Variants in MAPK4 observed in about 807,000 individuals in gnomAD.
The protein encoded by MAPK4 is Erk3-related.
A neutral mutation model predicts 47.7 loss-of-function variants in MAPK4; 22 were observed. The ratio of observed to expected loss-of-function variants is 0.46; its 90% CI spans 0.33 to 0.66. MAPK4 has a LOEUF of 0.66. Among genes scored for constraint, MAPK4 ranks in the 30% least tolerant of loss-of-function variants. MAPK4 has a pLI of 0.02. For synonymous variants in MAPK4, 390 were observed against 365.7 expected (o/e 1.07, Z -0.76); for missense variants, 736 against 831.7 (o/e 0.88, Z 1.42).
chr18:50,613,928 A>G (rs1161699828), intron 1 of MAPK4, among the ~76,000 whole-genome samples: 1 of 152,210 alleles, frequency 6.6e-6, no homozygotes, highest in Non-Finnish European at 1.5e-5. Flanking sequence ...ACAAGAAGAC[A>G]AATGAATGAA....
At chr18:50,670,695 T>C (rs1224986426) in intron 2 of MAPK4, among the ~76,000 whole-genome samples, 3 of 147,818 alleles carry the variant, frequency 2.0e-5, no homozygotes, top group Non-Finnish European at 4.4e-5. Flanking sequence ...AGGTGGAGGT[T>C]GCATTGAGCC....
chr18:50,619,887 C>T (rs1164824037), intron 1 of MAPK4, among the ~76,000 whole-genome samples: 2 of 152,256 alleles, frequency 1.3e-5, no homozygotes, highest in Non-Finnish European at 2.9e-5. Flanking sequence ...AGAGGAGGCA[C>T]AGCCTCATGT....
At chr18:50,715,490 C>T (rs745636493) in intron 3 of MAPK4, among the ~76,000 whole-genome samples, 43 of 152,312 alleles carry the variant, frequency 2.8e-4, no homozygotes, top group Non-Finnish European at 3.4e-4. Context: ...GTTCCCCTAA[C>T]ATTCAAAGGT....
chr18:50,589,732 C>G (rs1328782897), intron 1 of MAPK4, among the ~76,000 whole-genome samples: 1 of 152,170 alleles, frequency 6.6e-6, no homozygotes, highest in Non-Finnish European at 1.5e-5. Context: ...AGAAATGGTT[C>G]TCTTTCAGTT....
chr18:50,615,827 C>G (rs924136342), intron 1 of MAPK4, among the ~76,000 whole-genome samples: 1 of 152,180 alleles, frequency 6.6e-6, no homozygotes, highest in African/African-American at 2.4e-5. Context: ...TGGTTTTAAG[C>G]ACATTGCAGG....
intron 1 of MAPK4, among the ~76,000 whole-genome samples, chr18:50,623,106 G>C (rs1033445366): frequency 6.6e-6 from 1 of 152,188 alleles, no homozygotes; most frequent in Non-Finnish European, 1.5e-5. Context: ...GTAGCTCTTT[G>C]GGTATCATTT....
chr18:50,701,578 A>G (rs1011509522), intron 2 of MAPK4, among the ~76,000 whole-genome samples: 2 of 152,088 alleles, frequency 1.3e-5, no homozygotes, highest in African/African-American at 4.8e-5. Context: ...TGGTGTAGGA[A>G]TAACTTCTAG....
chr18:50,705,085 C>A (rs536054094), intron 2 of MAPK4: 1 of 272,198 alleles, frequency 3.7e-6, no homozygotes, highest in African/African-American at 2.2e-5. Flanking sequence ...AATAGAAAAC[C>A]GGACCCATAC....
intron 1 of MAPK4, among the ~76,000 whole-genome samples, chr18:50,636,915 G>A (rs927212536): frequency 5.9e-5 from 9 of 152,142 alleles, no homozygotes; most frequent in African/African-American, 1.9e-4. Context: ...CTCTGTTCAC[G>A]ATGAGAACAT....
intron 1 of MAPK4, among the ~76,000 whole-genome samples, chr18:50,636,277 C>T (rs1216586794): frequency 1.3e-5 from 2 of 152,200 alleles, no homozygotes; most frequent in African/African-American, 2.4e-5. Flanking sequence ...CCATCTGCAG[C>T]TCAACTTCCA....
intron 5 of MAPK4, among the ~76,000 whole-genome samples, chr18:50,728,751 C>T (rs940836697): frequency 3.3e-5 from 5 of 152,212 alleles, no homozygotes; most frequent in African/African-American, 9.6e-5. Context: ...ACAGAATCAA[C>T]ATCTGCATTT....
intron 3 of MAPK4, 104 bp downstream of exon 3, chr18:50,715,327 C>A: frequency 1.5e-6 from 2 of 1,336,710 alleles, no homozygotes; most frequent in Non-Finnish European, 2.0e-6. Flanking sequence ...TCATCTTTTG[C>A]TGAAATTACT....
chr18:50,612,292 A>G (rs1436872462), intron 1 of MAPK4, among the ~76,000 whole-genome samples: 2 of 152,182 alleles, frequency 1.3e-5, no homozygotes, highest in Non-Finnish European at 2.9e-5. Flanking sequence ...GTCCTATAAT[A>G]TTTTCCATTT....
At position 50,584,806 on chromosome 18, in the gene MAPK4, A is replaced by G. The variant is rs139982406; in HGVS notation, c.-871+24563A>G. The stretch of plus-strand genomic sequence containing the variant: ...AGGATAACAAAAGAATTGGATGACA[A>G]TGACTAGCATGAAACCAAGAGACTG... On this transcript the variant is annotated intron_variant, in intron 1 of 5. Transcript: ENST00000400384. 4.5e-3 allele frequency among the ~76,000 whole-genome samples: 691 copies of G among 152,354 alleles called. 4 individuals are homozygous for G. Among genetic ancestry groups the G allele is most frequent in the Non-Finnish European group, 3.7e-3 (253 of 68,032 alleles).
chr18:50,727,080 C>CAATG (rs1183334507), intron 5 of MAPK4, among the ~76,000 whole-genome samples: 1 of 152,196 alleles, frequency 6.6e-6, no homozygotes, highest in Non-Finnish European at 1.5e-5. Context: ...AAGCCACTAC[C>CAATG]AATGAATCAG....
Position 50,664,913 on chromosome 18 carries a change from G to C in MAPK4, c.546+409G>C, listed in dbSNP as rs1473273761. ...CACCCTGAGGCTTCCCACCCTGTGAGCCTCATGCTCTGGTTGGTCTCACCT... is the reference window on the plus strand; with the variant it reads ...CACCCTGAGGCTTCCCACCCTGTGACCCTCATGCTCTGGTTGGTCTCACCT... On this transcript the variant is annotated intron_variant, in intron 2 of 5. Coordinates refer to ENST00000400384, the MANE Select transcript of MAPK4 (RefSeq NM_002747.4). This position sits in a 1 kb window ranked among gnomAD's most constrained non-coding sequence, Gnocchi z 6.0. Among the ~76,000 whole-genome samples, 1 of 152,180 alleles carries C rather than the reference G, an allele frequency of 6.6e-6. No individual in the cohort carries two copies. Among genetic ancestry groups the C allele is most frequent in the Non-Finnish European group, 1.5e-5 (1 of 68,028 alleles).
chr18:50,726,998 C>A (rs1403953110), intron 5 of MAPK4, among the ~76,000 whole-genome samples: 4 of 152,248 alleles, frequency 2.6e-5, no homozygotes, highest in African/African-American at 7.2e-5. Flanking sequence ...ATGTCAGACG[C>A]TGCTAAGCAA....
intron 2 of MAPK4, among the ~76,000 whole-genome samples, chr18:50,689,084 C>T (rs1023707769): frequency 2.7e-5 from 4 of 150,550 alleles, no homozygotes; most frequent in Non-Finnish European, 5.9e-5. Context: ...CATGGCAAAA[C>T]CCCGTCTCTA....
chr18:50,632,644 G>C (rs2042842049), intron 1 of MAPK4, among the ~76,000 whole-genome samples: 1 of 128,974 alleles, frequency 7.8e-6, no homozygotes, highest in South Asian at 2.5e-4. Flanking sequence ...TTTTGAGACA[G>C]AGTCTCACTC....
Sources: gnomAD v4.1 joint callset for allele counts (sites outside exome capture counted in the v4.1 genomes callset) on GRCh38, gnomAD v4.1.1 for gene constraint, Gnocchi (gnomAD v3.1) non-coding constraint, MANE v1.5 for transcripts, NCBI Gene and HGNC (gene_info 2026-07-23, HGNC 2026-07-21) for gene names.